MICALL2: variants seen among roughly 807,000 people sequenced by gnomAD.
MICALL2 encodes the protein MICAL like 2, also known as MICAL-like protein 2.
Under a neutral mutation model 91.1 loss-of-function variants are expected in MICALL2, and 111 were observed. The observed-to-expected ratio is 1.22, with a 90% confidence interval of 1.04 to 1.43. The LOEUF is 1.43. Ranked by LOEUF, MICALL2 falls within the 40% of genes most tolerant of loss-of-function variation. The pLI is 0.00. For missense variants in MICALL2, 1,556 were observed against 1,236.0 expected (o/e 1.26, Z -3.88); for synonymous variants, 694 against 525.3 (o/e 1.32, Z -4.39).
chr7:1,434,922 C>T, intron 16 of MICALL2, 179 bp downstream of exon 16: 1 of 755,714 alleles, frequency 1.3e-6, no homozygotes. Flanking sequence ...CGGGAGGGAG[C>T]TCTCACCCTC....
At chr7:1,457,039 C>T (rs374419170) in intron 1 of MICALL2, among the ~76,000 whole-genome samples, 64 of 152,278 alleles carry the variant, frequency 4.2e-4, no homozygotes, top group African/African-American at 1.5e-3. Context: ...GCCTTGCTGC[C>T]TAAGGAGGTT....
rs560963631 is a variant in MICALL2 at position 1,448,497 on chromosome 7, T to C, written c.334+123A>G. 489 of 894,812 alleles carry C rather than the reference T, an allele frequency of 5.5e-4. 7 individuals are homozygous for C. The South Asian group carries it at 6.8e-3, about 12-fold the overall frequency. The allele number at this position is 894,812 out of a possible 1,614,324, so 55.4% of individuals were successfully genotyped here. A position where few individuals can be genotyped will look rare whatever the true frequency, so the allele number is the denominator to read the frequency against. ...AGCCAGTGCACAGCCCCGGTGCCCA[T>C]GCCAGGGGCCATTCTTGGGGGGGGG... On this transcript the variant is annotated intron_variant, in intron 3 of 16. Coordinates refer to ENST00000297508, the MANE Select transcript of MICALL2 (RefSeq NM_182924.4).
At chr7:1,442,796 G>T (rs1018306342) in intron 6 of MICALL2, among the ~76,000 whole-genome samples, 1 of 152,174 alleles carries the variant, frequency 6.6e-6, no homozygotes, top group Non-Finnish European at 1.5e-5. Flanking sequence ...CTCCTCCCCT[G>T]TGAAATCCAG....
chr7:1,435,606 C>G (rs1421572768), intron 15 of MICALL2, among the ~76,000 whole-genome samples: 2 of 152,272 alleles, frequency 1.3e-5, no homozygotes, highest in Non-Finnish European at 2.9e-5. Flanking sequence ...CCCCGTCACG[C>G]TCCCAGAGGG....
chr7:1,446,055 T>TG (rs1382762633), intron 5 of MICALL2, among the ~76,000 whole-genome samples: 1 of 85,150 alleles, frequency 1.2e-5, no homozygotes, highest in African/African-American at 4.9e-5. Context: ...ACGGGGGCAC[T>TG]GGGGGACACT....
chr7:1,451,044 G>C lies in MICALL2; in HGVS notation c.144-756C>G, dbSNP rs1241077611. ...TGAGGTTACATGGTTCTCTCTTTGG[G>C]TGGTGGAGTGCCTTCCCAGGTGCTC... On this transcript the variant is annotated intron_variant, in intron 1 of 16. Transcript: ENST00000297508. The surrounding 1 kb of genome is among the most constrained non-coding windows in gnomAD (Gnocchi z 4.5). 6.6e-6 allele frequency among the ~76,000 whole-genome samples: 1 copy of C among 152,170 alleles called. No homozygotes were observed. Among genetic ancestry groups the C allele is most frequent in the South Asian group, 2.1e-4 (1 of 4,830 alleles).
In MICALL2 at chr7:1,444,787, G is replaced by C. The variant is rs771576078; in HGVS notation, c.1283C>G (p.Pro428Arg). 1.2e-6 allele frequency: 2 copies of C among 1,611,832 alleles called. No homozygotes were observed. The highest frequency in any genetic ancestry group is 1.7e-5 in the Admixed American group (1 of 59,994). The part of the protein sequence containing the change: ...NKFFQTSAVP[P>R]GTSLSGRGPT... ...ACCTCTGCCAGAAAGGCTGGTGCCG[G>C]GGGGCACTGCTGATGTTTGGAAAAA... The change falls in exon 6 of 17, where the codon CCC (proline) becomes CGC (arginine). Residue 428 changes from proline (P) to arginine (R), a missense_variant. Physicochemically the swap from Pro to Arg is moderately radical, Grantham distance 103. Transcript: ENST00000297508.
intron 14 of MICALL2, 120 bp downstream of exon 14, chr7:1,437,415 G>A: frequency 2.3e-6 from 2 of 883,244 alleles, no homozygotes; most frequent in Non-Finnish European, 3.3e-6. Flanking sequence ...GGCTCGCCTG[G>A]CTCCAGGGAA....
intron 11 of MICALL2, 22 bp from the exon 12 acceptor site, chr7:1,438,242 G>A (rs770604954): frequency 1.1e-5 from 18 of 1,588,650 alleles, no homozygotes; most frequent in Non-Finnish European, 1.5e-5. Context: ...GGGGCGGTGA[G>A]GATGCCGGAG....
chr7:1,436,052 C>CAAA (rs554033109), intron 15 of MICALL2, among the ~76,000 whole-genome samples: 5 of 133,276 alleles, frequency 3.8e-5, no homozygotes, highest in African/African-American at 1.4e-4. Flanking sequence ...GACTCTGTCT[C>CAAA]AAAAAAAAAA....
intron 3 of MICALL2, 123 bp downstream of exon 3, chr7:1,448,497 T>G: frequency 1.1e-6 from 1 of 894,816 alleles, no homozygotes; most frequent in South Asian, 1.5e-5. Context: ...CCGGTGCCCA[T>G]GCCAGGGGCC....
intron 4 of MICALL2, among the ~76,000 whole-genome samples, chr7:1,447,307 G>C (rs1383375160): frequency 2.0e-5 from 3 of 152,302 alleles, no homozygotes; most frequent in Admixed American, 1.3e-4. Context: ...CTCCCCGGGA[G>C]AGAGGTATCC....
At position 1,449,813 on chromosome 7, in the gene MICALL2, A is replaced by G. The variant is rs755909741; in HGVS notation, c.192+427T>C. ...GAAGGGCCTGGAAGCTGGGGTGAGC[A>G]GGGCAGGACTGGAATCCTGGCAGGG... On this transcript the variant is annotated intron_variant, in intron 2 of 16. Transcript: ENST00000297508. Among the ~76,000 whole-genome samples, 9 of 152,360 alleles carry G rather than the reference A, an allele frequency of 5.9e-5. No homozygotes were observed. In the East Asian group the frequency reaches 1.7e-3, roughly 29 times the overall value.
At chr7:1,458,936 G>A (rs1309417342) in intron 1 of MICALL2, among the ~76,000 whole-genome samples, 2 of 152,236 alleles carry the variant, frequency 1.3e-5, no homozygotes, top group East Asian at 3.8e-4. Flanking sequence ...CAGGGCCCAG[G>A]AGCCGCCCTG....
rs762815682 is a variant in MICALL2, at chr7:1,447,586, G to A, written c.514C>T (p.Pro172Ser). The change falls in exon 4 of 17, where the codon CCC (proline) becomes TCC (serine). Residue 172 changes from proline to serine, a missense_variant. Pro to Ser is a moderately conservative substitution (Grantham distance 74, BLOSUM62 -1). Transcript: ENST00000297508. The stretch of plus-strand genomic sequence containing the variant: ...GGGTGGGAGCTTACAGTCTTGGGGG[G>A]CGGGCCCCCTGCACCCTCATTCCTC... ...QRRNEGAGGP[P>S]PKTDQALAGS... is the part of the protein sequence containing the mutation. 5.1e-6 allele frequency: 8 copies of A among 1,567,070 alleles called. No individual in the cohort carries two copies. The highest frequency in any genetic ancestry group is 3.7e-5 in the Admixed American group (2 of 54,528).
At chr7:1,441,969 G>A (rs1780301409) in intron 7 of MICALL2, 1 of 596,276 alleles carries the variant, frequency 1.7e-6, no homozygotes, top group Non-Finnish European at 2.9e-6. Context: ...GGTGGGCTGG[G>A]TGCCGGCAAA....
At chr7:1,439,369 T>G (rs1309641200) in intron 9 of MICALL2, 4 of 248,722 alleles carry the variant, frequency 1.6e-5, no homozygotes, top group East Asian at 8.6e-5. Context: ...ATGAAACAGA[T>G]CCACACATGG....
intron 10 of MICALL2, 188 bp downstream of exon 10, chr7:1,438,652 C>T (rs1780105897): frequency 1.4e-6 from 2 of 1,423,908 alleles, no homozygotes; most frequent in African/African-American, 1.4e-5. Context: ...TAACAAGGTA[C>T]TCTGAAACAG....
At chr7:1,437,014 T>C (rs568541540) in intron 14 of MICALL2, 158 bp from the exon 15 acceptor site, 97 of 538,124 alleles carry the variant, frequency 1.8e-4, no homozygotes, top group South Asian at 8.4e-4. Context: ...AATAAGTGAA[T>C]GAAGGAAGGA....
Sources: gnomAD v4.1 joint callset for allele counts (sites outside exome capture counted in the v4.1 genomes callset) on GRCh38, gnomAD v4.1.1 for gene constraint, Gnocchi (gnomAD v3.1) non-coding constraint, MANE v1.5 for transcripts, NCBI Gene and HGNC (gene_info 2026-07-23, HGNC 2026-07-21) for gene names.